Variants in NELL1 observed in about 807,000 individuals in gnomAD.
NELL1 encodes protein kinase C-binding protein NELL1.
Under a neutral mutation model 107.4 loss-of-function variants are expected in NELL1, and 76 were observed. The observed-to-expected ratio is 0.71, with a 90% CI of 0.59 to 0.86. The LOEUF (loss-of-function observed/expected upper bound fraction) is 0.86, where lower values mean the gene tolerates loss of function less well. Among genes scored for constraint, NELL1 ranks in the 40% least tolerant of loss-of-function variants. NELL1 has a pLI of 0.00. For synonymous variants in NELL1, 353 were observed against 341.2 expected, an observed-to-expected ratio of 1.03 and a Z score of -0.38; for missense variants, 1,024 against 1,005.5, an observed-to-expected ratio of 1.02 and a Z score of -0.25.
At chr11:21,490,991 C>A in intron 15 of NELL1, among the ~76,000 whole-genome samples, 1 of 152,032 alleles carries the variant, frequency 6.6e-6, no homozygotes, top group East Asian at 1.9e-4. Context: ...GCAAAAGAAA[C>A]AATCAACAGA....
intron 15 of NELL1, among the ~76,000 whole-genome samples, chr11:21,468,144 A>ATTGAAGATTCAGTTTATTATTCC (rs1350293863): frequency 1.9e-4 from 29 of 152,170 alleles, no homozygotes; most frequent in African/African-American, 7.0e-4. Flanking sequence ...CTTCAAGTTT[A>ATTGAAGATTCAGTTTATTATTCC]TTGAAGATTC....
At chr11:21,083,991 A>G (rs1022412105) in intron 12 of NELL1, among the ~76,000 whole-genome samples, 3 of 152,190 alleles carry the variant, frequency 2.0e-5, no homozygotes, top group Non-Finnish European at 2.9e-5. Context: ...TGGCAGGGAC[A>G]TGATCATGAT....
chr11:20,728,496 A>G (rs2133918581), intron 2 of NELL1, among the ~76,000 whole-genome samples: 1 of 152,268 alleles, frequency 6.6e-6, no homozygotes, highest in Non-Finnish European at 1.5e-5. Flanking sequence ...AAATAGTGAA[A>G]GGTAGGTGTC....
At position 21,254,244 on chromosome 11, in the gene NELL1, A is replaced by T. The variant is rs1858713508; in HGVS notation, c.1549+24790A>T. On this transcript the variant is annotated intron_variant, in intron 14 of 19. Transcript: ENST00000357134. ...ATAATAAATGTGTCTCTGTGAAGTC[A>T]GCATATGTTAAGTATAAGACTAATT... Among the ~76,000 whole-genome samples, 3 of 152,114 alleles carry T rather than the reference A, an allele frequency of 2.0e-5. No homozygotes were observed. In the South Asian group the frequency reaches 6.2e-4, roughly 32 times the overall value.
intron 5 of NELL1, among the ~76,000 whole-genome samples, chr11:20,897,451 A>T (rs550488720): frequency 6.6e-6 from 1 of 152,256 alleles, no homozygotes; most frequent in Non-Finnish European, 1.5e-5. Context: ...ACCTAAAACC[A>T]TAAAAACCCT....
At chr11:21,408,576 C>G (rs1175445074) in intron 15 of NELL1, among the ~76,000 whole-genome samples, 3 of 151,962 alleles carry the variant, frequency 2.0e-5, no homozygotes, top group Admixed American at 6.6e-5. Flanking sequence ...AGCCCTTTGT[C>G]AGATGAGTAG....
At chr11:21,009,287 G>C (rs1454842217) in intron 12 of NELL1, among the ~76,000 whole-genome samples, 1 of 152,100 alleles carries the variant, frequency 6.6e-6, no homozygotes, top group Non-Finnish European at 1.5e-5. Flanking sequence ...AGTATCACTT[G>C]TTCATTTATT....
chr11:20,986,863 G>T (rs530507468), intron 12 of NELL1, among the ~76,000 whole-genome samples: 1 of 152,010 alleles, frequency 6.6e-6, no homozygotes, highest in South Asian at 2.1e-4. Context: ...TCACCAGGTC[G>T]CTCCCCTACG....
At chr11:20,687,014 A>G (rs1254192462) in intron 2 of NELL1, among the ~76,000 whole-genome samples, 12 of 144,988 alleles carry the variant, frequency 8.3e-5, no homozygotes, top group African/African-American at 2.8e-4. Flanking sequence ...AGAAAAAAAC[A>G]TCTGGTCTGT....
At chr11:20,879,157 C>T (rs373001631) in intron 4 of NELL1, among the ~76,000 whole-genome samples, 1 of 152,052 alleles carries the variant, frequency 6.6e-6, no homozygotes, top group African/African-American at 2.4e-5. Flanking sequence ...AAGCTATTTC[C>T]TCCTTCCTTA....
At chr11:21,130,478 G>A (rs1242183161) in intron 13 of NELL1, among the ~76,000 whole-genome samples, 1 of 152,134 alleles carries the variant, frequency 6.6e-6, no homozygotes, top group Non-Finnish European at 1.5e-5. Flanking sequence ...CAGCATTTAG[G>A]AAATTCAGTA....
At chr11:21,275,135 A>C (rs1210580784) in intron 14 of NELL1, among the ~76,000 whole-genome samples, 3 of 152,218 alleles carry the variant, frequency 2.0e-5, no homozygotes, top group Non-Finnish European at 4.4e-5. Flanking sequence ...AAAGATCAAC[A>C]AAATTCATAG....
intron 9 of NELL1, among the ~76,000 whole-genome samples, chr11:20,933,465 A>G (rs913852968): frequency 6.6e-6 from 1 of 152,124 alleles, no homozygotes; most frequent in African/African-American, 2.4e-5. Context: ...TGAGTTAGAG[A>G]TGCCTGAGGT....
intron 2 of NELL1, among the ~76,000 whole-genome samples, chr11:20,758,294 G>A (rs1856342267): frequency 6.6e-6 from 1 of 152,086 alleles, no homozygotes; most frequent in Non-Finnish European, 1.5e-5. Context: ...CCTCCCACGA[G>A]ACCCATCATG....
At chr11:21,520,617 A>T (rs1226344576) in intron 15 of NELL1, among the ~76,000 whole-genome samples, 1 of 152,168 alleles carries the variant, frequency 6.6e-6, no homozygotes. Context: ...CAACACTTGT[A>T]CATTTTGTGA....
At chr11:20,917,491 T>C (rs547828966) in intron 5 of NELL1, among the ~76,000 whole-genome samples, 1 of 152,058 alleles carries the variant, frequency 6.6e-6, no homozygotes, top group East Asian at 1.9e-4. Context: ...TTCTACATCT[T>C]CCATCTGTTC....
chr11:20,724,423 C>T (rs147634283), intron 2 of NELL1, among the ~76,000 whole-genome samples: 151 of 152,286 alleles, frequency 9.9e-4, no homozygotes, highest in African/African-American at 3.5e-3. Flanking sequence ...AGACAGGTCA[C>T]CTCTTAAATG....
rs187109580 is a variant in NELL1 at position 20,703,172 on chromosome 11, A to G, written c.184+25112A>G. On this transcript the variant is annotated intron_variant, in intron 2 of 19. Transcript: ENST00000357134. ...CTGGTAGGCTATTACTTATTGCCTC[A>G]ATTTCAGAGCCTGTTACTGGTCTAT... 1.2e-4 allele frequency among the ~76,000 whole-genome samples: 19 copies of G among 152,226 alleles called. 1 individual carries two copies. In the East Asian group the frequency reaches 3.7e-3, roughly 29 times the overall value.
At chr11:21,299,584 A>T (rs188920250) in intron 14 of NELL1, among the ~76,000 whole-genome samples, 10 of 150,276 alleles carry the variant, frequency 6.7e-5, no homozygotes, top group Non-Finnish European at 1.2e-4. Flanking sequence ...GGACCCATAT[A>T]AATTGGTAGA....
Sources: gnomAD v4.1 joint callset for allele counts (sites outside exome capture counted in the v4.1 genomes callset) on GRCh38, gnomAD v4.1.1 for gene constraint, MANE v1.5 for transcripts, NCBI Gene and HGNC (gene_info 2026-07-23, HGNC 2026-07-21) for gene names.